Variants in KMT5B observed in about 807,000 individuals in gnomAD.
The protein encoded by KMT5B is histone-lysine N-methyltransferase KMT5B.
In KMT5B, 10 loss-of-function variants were observed where a neutral mutation model predicts 83.2. The observed-to-expected ratio is 0.12, with a 90% CI of 0.07 to 0.20. KMT5B has a LOEUF of 0.20. Ranked by LOEUF, KMT5B falls within the 10% of genes least tolerant of loss-of-function variation. KMT5B has a pLI of 1.00. For missense variants in KMT5B, 753 were observed against 1,067.2 expected (o/e 0.71, Z 4.10); for synonymous variants, 349 against 388.8 (o/e 0.90, Z 1.20).
chr11:68,192,980 T>C (rs1858265251), intron 1 of KMT5B, among the ~76,000 whole-genome samples: 1 of 152,218 alleles, frequency 6.6e-6, no homozygotes, highest in Admixed American at 6.5e-5. Context: ...GCTTGTAATT[T>C]ATAATGACCT....
chr11:68,183,538 T>C, intron 3 of KMT5B, among the ~76,000 whole-genome samples: 1 of 151,838 alleles, frequency 6.6e-6, no homozygotes, highest in African/African-American at 2.4e-5. Flanking sequence ...TTTGTATTTT[T>C]AGTAGAGACG....
At chr11:68,160,398 A>G (rs543425715) in intron 10 of KMT5B, among the ~76,000 whole-genome samples, 4 of 152,318 alleles carry the variant, frequency 2.6e-5, no homozygotes, top group East Asian at 1.9e-4. Flanking sequence ...GTCCAGTTGA[A>G]AAACTTCTTC....
rs575248505 is a variant in KMT5B at position 68,158,424 on chromosome 11, G to A, written c.1922C>T (p.Ala641Val). 42 of 1,614,078 alleles carry A rather than the reference G, an allele frequency of 2.6e-5. No homozygotes were observed. The highest frequency in any genetic ancestry group is 1.2e-4 in the Admixed American group (7 of 60,006). The change falls in exon 11 of 11, where the codon GCG (alanine) becomes GTG (valine). Residue 641 changes from alanine to valine, a missense_variant. Ala to Val is a moderately conservative substitution (Grantham distance 64). Transcript: ENST00000304363. ...PVHDSPGKDDAVPDLMGPHSD... is the reference protein window; with the variant it reads ...PVHDSPGKDDVVPDLMGPHSD... ...ATGGGGACCCATCAAATCTGGTACC[G>A]CGTCGTCTTTTCCAGGAGAATCGTG...
chr11:68,209,157 A>C (rs1209086346), intron 1 of KMT5B, among the ~76,000 whole-genome samples: 2 of 152,004 alleles, frequency 1.3e-5, no homozygotes, highest in African/African-American at 4.8e-5. Context: ...AAATAAAAAT[A>C]CTCCTCAGAG....
upstream of KMT5B, chr11:68,213,434 G>GC (rs1311857837): frequency 2.2e-4 from 30 of 137,216 alleles, no homozygotes; most frequent in Admixed American, 2.1e-3. Context: ...GGCTCGCTGC[G>GC]CCCCCGGCGC....
At chr11:68,168,751 C>T (rs77715479) in intron 9 of KMT5B, among the ~76,000 whole-genome samples, 52 of 152,300 alleles carry the variant, frequency 3.4e-4, no homozygotes, top group Non-Finnish European at 5.9e-4. Context: ...GAGTGTCTAG[C>T]GCGACTCAGT....
intron 1 of KMT5B, among the ~76,000 whole-genome samples, chr11:68,205,890 G>C (rs1411496049): frequency 6.6e-6 from 1 of 152,168 alleles, no homozygotes; most frequent in African/African-American, 2.4e-5. Flanking sequence ...AAAGTGCTGG[G>C]ATTACAGGCG....
chr11:68,185,880 G>C lies in KMT5B; in HGVS notation c.209C>G (p.Ser70Cys). Residue 70 changes from serine (S) to cysteine (C), a missense_variant, in exon 3 of 11, where the codon TCT becomes TGT. By Grantham distance (112) the Ser-to-Cys change is moderately radical. Coordinates refer to ENST00000304363, the MANE Select transcript of KMT5B (RefSeq NM_017635.5). ...ACAGAGTTCCTTGGCGGACATTCCA[G>C]AGGATGGTACATAGCGACTCTGTCC... Reference protein sequence around the residue: ...FEGQSRYVPSSGMSAKELCEN... With the variant: ...FEGQSRYVPSCGMSAKELCEN... 6.2e-7 allele frequency: 1 copy of C among 1,614,132 alleles called. No individual in the cohort carries two copies. Among genetic ancestry groups the C allele is most frequent in the Non-Finnish European group, 8.5e-7 (1 of 1,180,002 alleles).
intron 1 of KMT5B, among the ~76,000 whole-genome samples, chr11:68,204,638 C>A (rs996716779): frequency 1.2e-4 from 11 of 89,706 alleles, no homozygotes; most frequent in Admixed American, 4.8e-4. Flanking sequence ...TTTTTTTTGA[C>A]ACAGAGTCTC....
intron 1 of KMT5B, among the ~76,000 whole-genome samples, chr11:68,200,908 A>C (rs1261212386): frequency 6.6e-6 from 1 of 152,216 alleles, no homozygotes; most frequent in African/African-American, 2.4e-5. Context: ...GGATTTACCC[A>C]GCACTGAAAT....
chr11:68,212,533 CTCCT>C (rs1159110757), intron 1 of KMT5B: 3 of 152,304 alleles, frequency 2.0e-5, no homozygotes, highest in Admixed American at 6.5e-5. Context: ...GTCATTGTTC[CTCCT>C]TCCAAGGCGG....
chr11:68,212,426 A>G (rs1455640288), intron 1 of KMT5B, among the ~76,000 whole-genome samples: 1 of 152,238 alleles, frequency 6.6e-6, no homozygotes, highest in Non-Finnish European at 1.5e-5. Flanking sequence ...TAAATCGTTA[A>G]GTTACTGTTC....
At chr11:68,179,527 C>A in intron 4 of KMT5B, 1 of 1,304,176 alleles carries the variant, frequency 7.7e-7, no homozygotes, top group African/African-American at 1.5e-5. Context: ...TTTGGTTTTT[C>A]TGTCTCCCCA....
intron 1 of KMT5B, among the ~76,000 whole-genome samples, chr11:68,203,141 A>G (rs1162140028): frequency 6.6e-6 from 1 of 151,428 alleles, no homozygotes; most frequent in Non-Finnish European, 1.5e-5. Context: ...ACACCCAGCT[A>G]ATTTTTGTAT....
chr11:68,193,825 G>A (rs1858379432), intron 1 of KMT5B, among the ~76,000 whole-genome samples: 1 of 150,730 alleles, frequency 6.6e-6, no homozygotes, highest in South Asian at 2.1e-4. Flanking sequence ...TTAAGAGACA[G>A]GGTCTTGCTC....
In KMT5B at chr11:68,175,031, A is replaced by G. The variant is rs1446268814; in HGVS notation, c.530T>C (p.Leu177Ser). 10 of 1,613,778 alleles carry G rather than the reference A, an allele frequency of 6.2e-6. No homozygotes were observed. The highest frequency in any genetic ancestry group is 8.5e-7 in the Non-Finnish European group (1 of 1,179,770). The change falls in exon 5 of 11, where the codon TTA becomes TCA. Residue 177 changes from leucine (L) to serine (S), a missense_variant. By Grantham distance (145) the Leu-to-Ser change is moderately radical. Around this residue, in one of 9 missense-constraint regions of KMT5B, gnomAD observed 71 missense variants for 107.0 expected, o/e 0.66. Coordinates refer to ENST00000304363, the MANE Select transcript of KMT5B (RefSeq NM_017635.5). ...TAATAAACTTACATGTTCTTTGAAT[A>G]ATTTCTCCTGCATTTTATTCTTGTT... ...FLNKNKMQEK[L>S]FKEHVFIYLR... is the part of the protein sequence containing the mutation.
intron 1 of KMT5B, among the ~76,000 whole-genome samples, chr11:68,212,933 G>A (rs1408213328): frequency 6.9e-6 from 1 of 144,682 alleles, no homozygotes; most frequent in Non-Finnish European, 1.5e-5. Flanking sequence ...GGCCACCACT[G>A]CAGGCCCCGC....
rs923725522 is a variant in KMT5B, at chr11:68,209,285, C to A, written c.-77+3853G>T. On this transcript the variant is annotated intron_variant, in intron 1 of 10. Transcript: ENST00000304363. Reference sequence around the variant, plus strand: ...CAAACTTATGAAGAACCTCCCAGAGCTGCCAGGCACTGTTCGTGGTGCTGG... The same window carrying A: ...CAAACTTATGAAGAACCTCCCAGAGATGCCAGGCACTGTTCGTGGTGCTGG... Among the ~76,000 whole-genome samples the A allele has an allele frequency of 2.6e-5, 4 of 152,288 alleles. No homozygotes were observed. The East Asian group carries it at 5.8e-4, about 22-fold the overall frequency.
chr11:68,207,288 G>C (rs1157646992), intron 1 of KMT5B, among the ~76,000 whole-genome samples: 1 of 151,746 alleles, frequency 6.6e-6, no homozygotes, highest in Non-Finnish European at 1.5e-5. Context: ...CTGGACTACA[G>C]AGCTTCTTAC....
Sources: gnomAD v4.1 joint callset for allele counts (sites outside exome capture counted in the v4.1 genomes callset) on GRCh38, gnomAD v4.1.1 for gene constraint, gnomAD v4.1.1 regional missense constraint, MANE v1.5 for transcripts, NCBI Gene and HGNC (gene_info 2026-07-23, HGNC 2026-07-21) for gene names.